STAG1: variants seen among roughly 807,000 people sequenced by gnomAD.
STAG1 encodes the protein cohesin subunit SA-1.
In STAG1, 26 loss-of-function variants were observed where a neutral mutation model predicts 170.9. The observed-to-expected ratio is 0.15, with a 90% CI of 0.11 to 0.21. STAG1 has a LOEUF of 0.21. Among genes scored for constraint, STAG1 ranks in the 10% least tolerant of loss-of-function variants. The pLI, the probability that STAG1 is intolerant of heterozygous loss-of-function variation, is 1.00. For synonymous variants in STAG1, 514 were observed against 497.7 expected (o/e 1.03, Z -0.44); for missense variants, 964 against 1,509.5 (o/e 0.64, Z 5.99).
At chr3:136,382,825 A>G (rs684845) in intron 22 of STAG1, among the ~76,000 whole-genome samples, 20,921 of 152,246 alleles carry the variant, frequency 0.14, 1,828 homozygotes, top group Admixed American at 0.2. Context: ...AGTGCTCAAG[A>G]AAGTTAATTT....
chr3:136,609,337 G>GTGTATATATATT (rs201023616), intron 3 of STAG1: 1 of 149,248 alleles, frequency 6.7e-6, no homozygotes, highest in African/African-American at 2.5e-5. Flanking sequence ...TTTCATATAT[G>GTGTATATATATT]TGTATATATA....
intron 3 of STAG1, chr3:136,609,422 T>G (rs1939142509): frequency 6.7e-6 from 1 of 148,742 alleles, no homozygotes; most frequent in South Asian, 2.1e-4. Context: ...TACATATATA[T>G]ATATATACAC....
intron 4 of STAG1, among the ~76,000 whole-genome samples, chr3:136,603,581 G>A (rs990007215): frequency 2.6e-5 from 4 of 152,214 alleles, no homozygotes; most frequent in Middle Eastern, 3.4e-3. Context: ...AATGAGAAGA[G>A]ATAAAAGAGT....
At chr3:136,695,066 T>A (rs1441861386) in intron 1 of STAG1, among the ~76,000 whole-genome samples, 1 of 152,174 alleles carries the variant, frequency 6.6e-6, no homozygotes, top group Non-Finnish European at 1.5e-5. Flanking sequence ...AGATACCAAC[T>A]AAGGTATATG....
At chr3:136,559,124 C>CTATCTAT (rs1553745528) in intron 5 of STAG1, among the ~76,000 whole-genome samples, 178 of 144,102 alleles carry the variant, frequency 1.2e-3, no homozygotes, top group African/African-American at 4.1e-3. Context: ...CACTGAACTA[C>CTATCTAT]CTATCTATCT....
chr3:136,487,726 C>T (rs1181728609), intron 9 of STAG1, among the ~76,000 whole-genome samples: 3 of 152,270 alleles, frequency 2.0e-5, no homozygotes, highest in African/African-American at 7.2e-5. Flanking sequence ...TGAAGGATGT[C>T]CACAAATTCT....
intron 9 of STAG1, 40 bp from the exon 10 acceptor site, chr3:136,477,452 A>G: frequency 4.5e-6 from 7 of 1,552,310 alleles, no homozygotes; most frequent in Non-Finnish European, 6.1e-6. Flanking sequence ...ATTAATATAC[A>G]AAGCTAGAAT....
At position 136,399,459 on chromosome 3, in the gene STAG1, TTGA is replaced by T. The variant is rs146280485; in HGVS notation, c.2197-633_2197-631del. ...CATTCCTAGTTTTTTACGCATATCG[TTGA>T]ACAGTACATAAACGTAATCATACCA... On this transcript the variant is annotated intron_variant, in intron 21 of 33. Transcript: ENST00000383202. Among the ~76,000 whole-genome samples, 625 of 152,346 alleles carry T rather than the reference TTGA, an allele frequency of 4.1e-3. 29 individuals carry two copies. The East Asian group carries it at 0.11, about 26-fold the overall frequency.
At chr3:136,628,373 T>A (rs1940196201) in intron 2 of STAG1, among the ~76,000 whole-genome samples, 1 of 152,058 alleles carries the variant, frequency 6.6e-6, no homozygotes, top group South Asian at 2.1e-4. Flanking sequence ...AAAACATAAT[T>A]CTGAACATGA....
chr3:136,341,630 G>C, intron 30 of STAG1, 79 bp from the exon 31 acceptor site: 1 of 915,968 alleles, frequency 1.1e-6, no homozygotes, highest in African/African-American at 1.6e-5. Flanking sequence ...AGAAAGCCAA[G>C]GTAGGTTTAC....
intron 1 of STAG1, among the ~76,000 whole-genome samples, chr3:136,669,918 AAAG>A (rs1239382177): frequency 6.6e-6 from 1 of 152,262 alleles, no homozygotes; most frequent in Non-Finnish European, 1.5e-5. Flanking sequence ...CATAATAGTT[AAAG>A]AATATTCAAC....
chr3:136,703,066 CAAAAAAAAAA>C (rs1157305676), intron 1 of STAG1, among the ~76,000 whole-genome samples: 1 of 75,734 alleles, frequency 1.3e-5, no homozygotes, highest in Non-Finnish European at 2.6e-5. Flanking sequence ...GACTCCATCT[CAAAAAAAAAA>C]AAAAAAAAAA....
chr3:136,633,861 C>G (rs909006534), intron 1 of STAG1, among the ~76,000 whole-genome samples: 3 of 146,740 alleles, frequency 2.0e-5, no homozygotes, highest in African/African-American at 5.0e-5. Flanking sequence ...CAGTAGCCCA[C>G]GCTTATAATC....
At chr3:136,440,882 G>C (rs762106076) in intron 15 of STAG1, among the ~76,000 whole-genome samples, 1 of 152,034 alleles carries the variant, frequency 6.6e-6, no homozygotes, top group Non-Finnish European at 1.5e-5. Context: ...CCAACCACTT[G>C]GGAGGCTGAG....
intron 12 of STAG1, among the ~76,000 whole-genome samples, chr3:136,469,959 C>G (rs1225526172): frequency 5.3e-5 from 8 of 152,190 alleles, no homozygotes; most frequent in Middle Eastern, 3.2e-3. Context: ...TGGATCCCTT[C>G]CTTACACCTT....
At chr3:136,418,167 A>G (rs974107193) in intron 20 of STAG1, among the ~76,000 whole-genome samples, 195 bp from the exon 21 acceptor site, 23 of 151,988 alleles carry the variant, frequency 1.5e-4, no homozygotes, top group Non-Finnish European at 4.4e-5. Flanking sequence ...CAGCCTGGCC[A>G]ACATGGTGAA....
At chr3:136,699,764 T>A (rs1942996750) in intron 1 of STAG1, among the ~76,000 whole-genome samples, 1 of 151,792 alleles carries the variant, frequency 6.6e-6, no homozygotes, top group South Asian at 2.1e-4. Flanking sequence ...AAAAAAAAAA[T>A]CCTAGATGAT....
At chr3:136,496,175 CA>C (rs1402624460) in intron 9 of STAG1, among the ~76,000 whole-genome samples, 1 of 151,478 alleles carries the variant, frequency 6.6e-6, no homozygotes, top group Non-Finnish European at 1.5e-5. Flanking sequence ...AAAAAACCCC[CA>C]AAAAACACAG....
intron 4 of STAG1, among the ~76,000 whole-genome samples, chr3:136,584,704 C>T (rs1937719155): frequency 6.6e-6 from 1 of 152,222 alleles, no homozygotes; most frequent in African/African-American, 2.4e-5. Flanking sequence ...AAGGAACATA[C>T]CAAGGCAAGC....
Sources: gnomAD v4.1 joint callset for allele counts (sites outside exome capture counted in the v4.1 genomes callset) on GRCh38, gnomAD v4.1.1 for gene constraint, MANE v1.5 for transcripts, NCBI Gene and HGNC (gene_info 2026-07-23, HGNC 2026-07-21) for gene names.